The following GRM7 variants were observed in gnomAD, a reference collection of about 807,000 sequenced individuals.
GRM7 encodes the protein metabotropic glutamate receptor 7.
A neutral mutation model predicts 84.5 loss-of-function variants in GRM7; 35 were observed. The observed-to-expected ratio is 0.41, with a 90% CI of 0.32 to 0.55. The LOEUF (loss-of-function observed/expected upper bound fraction) is 0.55. Ranked by LOEUF, GRM7 falls within the 20% of genes least tolerant of loss-of-function variation. GRM7 has a pLI of 0.19. For synonymous variants in GRM7, 487 were observed against 455.1 expected (o/e 1.07, Z -0.89); for missense variants, 1,003 against 1,194.6 (o/e 0.84, Z 2.36).
In GRM7 at chr3:7,429,910, T is replaced by G. The variant is rs138292010; in HGVS notation, c.1174+14747T>G. 3.4e-3 allele frequency among the ~76,000 whole-genome samples: 523 copies of G among 152,300 alleles called. 3 individuals carry two copies. The highest frequency in any genetic ancestry group is 0.02 in the East Asian group (103 of 5,178). ...TATAAGCTGTTTCCTTTAGCTCATT[T>G]AGAAACCACAAAAGAAAAATTATGC... On this transcript the variant is annotated intron_variant, in intron 5 of 9. Transcript: ENST00000357716.
At chr3:7,231,734 G>A (rs978421597) in intron 2 of GRM7, among the ~76,000 whole-genome samples, 5 of 152,164 alleles carry the variant, frequency 3.3e-5, no homozygotes, top group African/African-American at 1.2e-4. Flanking sequence ...AGGAAACCAA[G>A]GCATTTAGTG....
At chr3:7,335,603 A>G (rs1207185271) in intron 4 of GRM7, among the ~76,000 whole-genome samples, 24 of 152,092 alleles carry the variant, frequency 1.6e-4, no homozygotes. Context: ...TACAAAAGAT[A>G]AATGAAACAA....
intron 1 of GRM7, among the ~76,000 whole-genome samples, chr3:7,137,013 G>C (rs1693794942): frequency 6.6e-6 from 1 of 152,112 alleles, no homozygotes. Context: ...GGTTAGGGCA[G>C]AGCCTTGAGC....
chr3:6,915,898 C>A (rs975938411), intron 1 of GRM7, among the ~76,000 whole-genome samples: 7 of 152,134 alleles, frequency 4.6e-5, no homozygotes, highest in Non-Finnish European at 1.0e-4. Flanking sequence ...TTTCCTAGCC[C>A]ATGAGCTTCA....
rs527984703 is a variant in GRM7, at chr3:7,125,000, G to A, written c.520-21452G>A. ...GTCGCCCAGGCTGGAGTGCAGTGGCGCGGGTCTCAGCTCACTGCAACCTCC... is the reference window on the plus strand; with the variant it reads ...GTCGCCCAGGCTGGAGTGCAGTGGCACGGGTCTCAGCTCACTGCAACCTCC... On this transcript the variant is annotated intron_variant, in intron 1 of 9. Coordinates refer to ENST00000357716, the MANE Select transcript of GRM7 (RefSeq NM_000844.4). Among the ~76,000 whole-genome samples the A allele has an allele frequency of 2.5e-3, 386 of 152,128 alleles. 3 individuals are homozygous for A. In the South Asian group the frequency reaches 0.028, roughly 11 times the overall value.
chr3:6,977,589 CA>C (rs1694049280), intron 1 of GRM7, among the ~76,000 whole-genome samples: 1 of 152,128 alleles, frequency 6.6e-6, no homozygotes. Context: ...GAAAGCAAAA[CA>C]AGCAAGCAAA....
chr3:6,943,825 A>G (rs1397341748), intron 1 of GRM7, among the ~76,000 whole-genome samples: 1 of 151,942 alleles, frequency 6.6e-6, no homozygotes, highest in African/African-American at 2.4e-5. Context: ...GAAAAAGGTA[A>G]CTCAGTTTAT....
At chr3:7,159,224 G>A (rs192547045) in intron 2 of GRM7, among the ~76,000 whole-genome samples, 1 of 152,222 alleles carries the variant, frequency 6.6e-6, no homozygotes, top group African/African-American at 2.4e-5. Context: ...TGAAAAATGA[G>A]TATTTTCCCC....
chr3:7,643,980 A>G (rs1453870688), intron 8 of GRM7, among the ~76,000 whole-genome samples: 1 of 150,372 alleles, frequency 6.7e-6, no homozygotes, highest in African/African-American at 2.5e-5. Context: ...AGATCATCAG[A>G]TTGTGTATGT....
chr3:7,630,209 G>A (rs2125095583), intron 8 of GRM7, among the ~76,000 whole-genome samples: 1 of 152,260 alleles, frequency 6.6e-6, no homozygotes, highest in South Asian at 2.1e-4. Flanking sequence ...TGATGGTGGT[G>A]GGGTACTCAT....
chr3:7,154,159 A>G (rs1329900112), intron 2 of GRM7, among the ~76,000 whole-genome samples: 1 of 152,208 alleles, frequency 6.6e-6, no homozygotes, highest in Admixed American at 6.5e-5. Context: ...CCATTCCAAA[A>G]AACTTTCTGG....
chr3:7,532,097 C>G (rs945405545), intron 7 of GRM7, among the ~76,000 whole-genome samples: 1 of 152,024 alleles, frequency 6.6e-6, no homozygotes, highest in Admixed American at 6.6e-5. Context: ...TGTTGTGTCT[C>G]TTCCAGGTTT....
At chr3:7,593,053 G>A (rs1433967020) in intron 8 of GRM7, among the ~76,000 whole-genome samples, 2 of 152,190 alleles carry the variant, frequency 1.3e-5, no homozygotes, top group Non-Finnish European at 1.5e-5. Context: ...GCATGGAAAT[G>A]CTCTTGCTAG....
chr3:7,333,707 TA>T (rs35684466), intron 4 of GRM7, among the ~76,000 whole-genome samples: 1 of 150,000 alleles, frequency 6.7e-6, no homozygotes, highest in African/African-American at 2.4e-5. Flanking sequence ...ATAAAGAAAT[TA>T]AAAAAAAATA....
chr3:6,944,542 A>C (rs1697993905), intron 1 of GRM7, among the ~76,000 whole-genome samples: 1 of 152,158 alleles, frequency 6.6e-6, no homozygotes, highest in South Asian at 2.1e-4. Flanking sequence ...GTCATGACAA[A>C]TGATCATTTT....
chr3:7,297,212 C>G (rs1031231832), intron 2 of GRM7, among the ~76,000 whole-genome samples: 1 of 152,008 alleles, frequency 6.6e-6, no homozygotes, highest in African/African-American at 2.4e-5. Context: ...ATATTTAGCT[C>G]AAAATATTTT....
At chr3:7,001,427 T>A (rs559462414) in intron 1 of GRM7, among the ~76,000 whole-genome samples, 3 of 152,320 alleles carry the variant, frequency 2.0e-5, no homozygotes, top group Admixed American at 6.5e-5. Context: ...GAAACATAAA[T>A]GTTAACTTTA....
chr3:7,125,666 A>G (rs151275053), intron 1 of GRM7, among the ~76,000 whole-genome samples: 1 of 152,190 alleles, frequency 6.6e-6, no homozygotes, highest in African/African-American at 2.4e-5. Flanking sequence ...GCTACATTCC[A>G]TATTGTGACG....
chr3:7,234,358 AT>A (rs1209769344), intron 2 of GRM7, among the ~76,000 whole-genome samples: 1 of 152,112 alleles, frequency 6.6e-6, no homozygotes, highest in Non-Finnish European at 1.5e-5. Context: ...CATTGTTTGG[AT>A]TTCCATTTAT....
Sources: gnomAD v4.1 joint callset for allele counts (sites outside exome capture counted in the v4.1 genomes callset) on GRCh38, gnomAD v4.1.1 for gene constraint, MANE v1.5 for transcripts, NCBI Gene and HGNC (gene_info 2026-07-23, HGNC 2026-07-21) for gene names.